The following SENP6 variants were observed in gnomAD, a reference collection of about 807,000 sequenced individuals.
SENP6 encodes the protein SUMO specific peptidase 6, also known as sentrin-specific protease 6.
SENP6 carries 41 observed loss-of-function variants against 134.5 expected under a neutral mutation model. That is an observed-to-expected ratio of 0.30 (90% CI 0.24 to 0.40). The LOEUF (loss-of-function observed/expected upper bound fraction) is 0.40, where lower values mean the gene tolerates loss of function less well. Among genes scored for constraint, SENP6 ranks in the 10% least tolerant of loss-of-function variants. The pLI, the probability that SENP6 is intolerant of heterozygous loss-of-function variation, is 1.00. For missense variants in SENP6, 1,248 were observed against 1,312.5 expected, an observed-to-expected ratio of 0.95 and a Z score of 0.76; for synonymous variants, 395 against 429.8, an observed-to-expected ratio of 0.92 and a Z score of 1.00.
chr6:75,663,603 T>A, intron 9 of SENP6, 85 bp downstream of exon 9: 1 of 942,238 alleles, frequency 1.1e-6, no homozygotes, highest in Non-Finnish European at 1.6e-6. Context: ...CCCAACCCCA[T>A]ATATATTTTT....
Position 75,715,498 on chromosome 6 carries a change from T to C in SENP6, c.3243T>C (p.Asp1081=), listed in dbSNP as rs372207525. ...IRNIILKLQE[D]QSKEKRKHKD... ...ACATAATTCTGAAGCTACAGGAAGA[T>C]CAGAGCAAAGAGAAAAGAAAGCATA... The change falls in exon 24 of 24, where the codon GAT becomes GAC. Residue 1081 remains aspartate (D), a synonymous_variant. Transcript: ENST00000447266. 1.3e-4 allele frequency: 214 copies of C among 1,612,186 alleles called. No homozygotes were observed. Among genetic ancestry groups the C allele is most frequent in the Non-Finnish European group, 1.7e-4 (202 of 1,179,160 alleles).
chr6:75,624,443 G>A (rs1373260612), intron 3 of SENP6, among the ~76,000 whole-genome samples: 1 of 151,924 alleles, frequency 6.6e-6, no homozygotes, highest in African/African-American at 2.4e-5. Context: ...AATTCCTAGA[G>A]GTTGCACTGC....
Position 75,666,740 on chromosome 6 carries a change from C to A in SENP6, c.1023C>A (p.Asp341Glu). The change falls in exon 10 of 24, where the codon GAC becomes GAA. Residue 341 changes from aspartate to glutamate, a missense_variant. By Grantham distance (45) the Asp-to-Glu change is conservative. Transcript: ENST00000447266. The stretch of plus-strand genomic sequence containing the variant: ...TTTTGTCCAGTGATGATGATGATGA[C>A]AACGACAGAACTAACAGAAGAGAAA... Reference protein sequence around the residue: ...PIILSSDDDDDNDRTNRRESI... With the variant: ...PIILSSDDDDENDRTNRRESI... 1 of 1,586,980 alleles carries A rather than the reference C, an allele frequency of 6.3e-7. No homozygotes were observed.
rs1774755552 is a variant in SENP6, at chr6:75,697,786, G to A, written c.2288+269G>A. 2.6e-5 allele frequency: 8 copies of A among 303,290 alleles called. No individual in the cohort carries two copies. The East Asian group carries it at 4.4e-4, about 17-fold the overall frequency. The allele number at this position is 303,290 out of a possible 1,614,324, so 18.8% of individuals were successfully genotyped here. ...AAATAATACCATTTTTAAAAATATG[G>A]TGCTTATTGTCTAGCAAGTAACCTA... On this transcript the variant is annotated intron_variant, in intron 18 of 23. Transcript: ENST00000447266.
intron 7 of SENP6, among the ~76,000 whole-genome samples, chr6:75,652,606 G>A (rs1340532767): frequency 2.1e-5 from 3 of 145,024 alleles, no homozygotes; most frequent in African/African-American, 7.7e-5. Flanking sequence ...GGAGGCCGAG[G>A]CAGGTGGATC....
At chr6:75,614,493 C>T (rs1767702448) in intron 1 of SENP6, among the ~76,000 whole-genome samples, 1 of 152,118 alleles carries the variant, frequency 6.6e-6, no homozygotes, top group African/African-American at 2.4e-5. Context: ...GTCTCAAACT[C>T]CTGACCTTGT....
chr6:75,678,555 A>G (rs776043509), intron 14 of SENP6, 28 bp from the exon 15 acceptor site: 84 of 1,092,752 alleles, frequency 7.7e-5, no homozygotes, highest in Middle Eastern at 2.1e-4. Context: ...AATTGACTGT[A>G]AATTGCTAAT....
intron 6 of SENP6, chr6:75,644,319 G>A (rs533227689): frequency 1.2e-4 from 19 of 152,096 alleles, no homozygotes; most frequent in African/African-American, 4.3e-4. Context: ...CTTAGACCGA[G>A]GGACACTCTA....
chr6:75,677,294 G>A lies in SENP6; in HGVS notation c.1848+38G>A, dbSNP rs955716887. ...TTTAATTTAAAAATATTCTTAAATTGTGGGTAGTTTTAAAGGGAAATATGT... is the reference window on the plus strand; with the variant it reads ...TTTAATTTAAAAATATTCTTAAATTATGGGTAGTTTTAAAGGGAAATATGT... On this transcript the variant is annotated intron_variant, in intron 14 of 23. Transcript: ENST00000447266. The A allele has an allele frequency of 6.0e-6, 8 of 1,340,176 alleles. No individual in the cohort carries two copies. In the East Asian group the frequency reaches 1.5e-4, roughly 25 times the overall value. 83.0% of individuals were successfully genotyped at this position (1,340,176 alleles called of 1,614,324 possible).
chr6:75,618,726 G>A (rs187899887), intron 1 of SENP6, among the ~76,000 whole-genome samples: 137 of 152,302 alleles, frequency 9.0e-4, no homozygotes, highest in African/African-American at 3.2e-3. Context: ...AGGCTGGTAT[G>A]TCTGACTCTA....
At chr6:75,688,268 C>T (rs1052323399) in intron 16 of SENP6, among the ~76,000 whole-genome samples, 6 of 152,176 alleles carry the variant, frequency 3.9e-5, no homozygotes, top group Admixed American at 2.6e-4. Context: ...AGTATTTGGG[C>T]GGGAGTGTCC....
At chr6:75,691,829 C>T (rs1391615550) in intron 16 of SENP6, among the ~76,000 whole-genome samples, 12 of 152,004 alleles carry the variant, frequency 7.9e-5, no homozygotes, top group Admixed American at 5.2e-4. Context: ...CTCCTGACCT[C>T]GTGATCCGCC....
chr6:75,622,769 G>A, intron 2 of SENP6: 1 of 1,288,284 alleles, frequency 7.8e-7, no homozygotes. Context: ...CTTCTGTCTG[G>A]GCAACAGCTC....
chr6:75,628,128 A>G (rs907291611), intron 3 of SENP6, among the ~76,000 whole-genome samples: 1 of 152,202 alleles, frequency 6.6e-6, no homozygotes, highest in Non-Finnish European at 1.5e-5. Flanking sequence ...CATCTATTTT[A>G]AGTATACATG....
intron 1 of SENP6, among the ~76,000 whole-genome samples, chr6:75,619,018 CT>C (rs34039869): frequency 0.32 from 44,688 of 140,256 alleles, 7,992 homozygotes; most frequent in Admixed American, 0.48. Context: ...CACTTTCAGG[CT>C]TTTTTTTTTT....
intron 11 of SENP6, among the ~76,000 whole-genome samples, chr6:75,673,882 G>A (rs1482057399): frequency 2.0e-5 from 3 of 151,764 alleles, no homozygotes; most frequent in African/African-American, 7.3e-5. Flanking sequence ...TTAGTGGGGT[G>A]TGGTGGCGTG....
At chr6:75,666,181 A>G (rs1316445803) in intron 9 of SENP6, among the ~76,000 whole-genome samples, 1 of 86,972 alleles carries the variant, frequency 1.1e-5, no homozygotes, top group African/African-American at 2.8e-5. Context: ...AAACGTATAT[A>G]TGATATATAT....
chr6:75,665,817 G>A (rs1349080502), intron 9 of SENP6, among the ~76,000 whole-genome samples: 3 of 151,588 alleles, frequency 2.0e-5, no homozygotes, highest in African/African-American at 4.9e-5. Context: ...ACCTGAGGTC[G>A]GGAGTTCGAG....
chr6:75,629,520 G>C (rs1582707955), intron 3 of SENP6, among the ~76,000 whole-genome samples: 1 of 152,070 alleles, frequency 6.6e-6, no homozygotes, highest in East Asian at 1.9e-4. Flanking sequence ...GGCTGGTCTC[G>C]AACTCCAGAC....
Sources: gnomAD v4.1 joint callset for allele counts (sites outside exome capture counted in the v4.1 genomes callset) on GRCh38, gnomAD v4.1.1 for gene constraint, MANE v1.5 for transcripts, NCBI Gene and HGNC (gene_info 2026-07-23, HGNC 2026-07-21) for gene names.